FMNL1: variants seen among roughly 807,000 people sequenced by gnomAD.
FMNL1 encodes the protein formin like 1.
FMNL1 carries 43 observed loss-of-function variants against 121.3 expected under a neutral mutation model. The observed-to-expected ratio is 0.35, with a 90% CI of 0.28 to 0.46. FMNL1 has a LOEUF of 0.46. Ranked by LOEUF, FMNL1 falls within the 20% of genes least tolerant of loss-of-function variation. The pLI is 1.00. For missense variants in FMNL1, 1,191 were observed against 1,482.4 expected (o/e 0.80, Z 3.23); for synonymous variants, 613 against 613.5 (o/e 1.00, Z 0.01).
rs2043652041 is a variant in FMNL1, at chr17:45,240,220, T to C, written c.1081-256T>C. ...CTGCTGACGCCTGTGGGGTTTCTTT[T>C]TGGGCTGATGACAATGTTCTGGAAT... On this transcript the variant is annotated intron_variant, in intron 11 of 26. Coordinates refer to ENST00000331495, the MANE Select transcript of FMNL1 (RefSeq NM_005892.4). 1.9e-5 allele frequency: 5 copies of C among 261,554 alleles called. No homozygotes were observed. The South Asian group carries it at 4.4e-4, about 23-fold the overall frequency. 16.2% of individuals were successfully genotyped at this position (261,554 alleles called of 1,614,324 possible).
In FMNL1 at chr17:45,231,361, C is replaced by T. The variant is rs1391174352; in HGVS notation, c.213+674C>T. The T allele has an allele frequency of 6.6e-6, 1 of 152,350 alleles. No homozygotes were observed. The highest frequency in any genetic ancestry group is 1.9e-4 in the East Asian group (1 of 5,180). The allele number at this position is 152,350 out of a possible 1,614,324, so 9.4% of individuals were successfully genotyped here. On this transcript the variant is annotated intron_variant, in intron 2 of 26. Coordinates refer to ENST00000331495, the MANE Select transcript of FMNL1 (RefSeq NM_005892.4). The surrounding 1 kb of genome is among the most constrained non-coding windows in gnomAD (Gnocchi z 4.7). Reference sequence around the variant, plus strand: ...GGGTGGGGAGTTGGGAGCTGAGAGCCTCCCCTGGGAGCCAAGGCTGGGCCT... The same window carrying T: ...GGGTGGGGAGTTGGGAGCTGAGAGCTTCCCCTGGGAGCCAAGGCTGGGCCT...
chr17:45,240,175 G>A (rs1364619437), intron 11 of FMNL1: 2 of 199,290 alleles, frequency 1.0e-5, no homozygotes, highest in Non-Finnish European at 2.0e-5. Context: ...GGGACTGGGG[G>A]AGGAGAGAAT....
At chr17:45,222,775 C>T (rs1333841152) in intron 1 of FMNL1, among the ~76,000 whole-genome samples, 2 of 152,060 alleles carry the variant, frequency 1.3e-5, no homozygotes, top group African/African-American at 4.8e-5. Context: ...GTTTCTACCC[C>T]GCCATATGTC....
In FMNL1 at chr17:45,245,026, C is replaced by T; in HGVS notation, c.2646C>T (p.Tyr882=). 1 of 1,614,138 alleles carries T rather than the reference C, an allele frequency of 6.2e-7. No homozygotes were observed. ...ATCGCAAGCAGACGCTGCTGCACTA[C>T]CTGGTGAAGGTCATTGCTGAGAAGT... ...STDRKQTLLH[Y]LVKVIAEKYP... The change falls in exon 21 of 27, where the codon TAC becomes TAT. Residue 882 remains tyrosine (Y), a synonymous_variant. Transcript: ENST00000331495.
At chr17:45,224,273 C>G (rs1167042776) in intron 1 of FMNL1, among the ~76,000 whole-genome samples, 1 of 152,156 alleles carries the variant, frequency 6.6e-6, no homozygotes, top group African/African-American at 2.4e-5. Context: ...GAGGCTTGCC[C>G]CAGGGTGACA....
Position 45,235,592 on chromosome 17 carries a change from C to T in FMNL1, c.615-544C>T, listed in dbSNP as rs994580613. ...AATGAAAACATCACACATTTGTTGGCGAAGAATAAGGGAGTACAGTCATAT... is the reference window on the plus strand; with the variant it reads ...AATGAAAACATCACACATTTGTTGGTGAAGAATAAGGGAGTACAGTCATAT... On this transcript the variant is annotated intron_variant, in intron 6 of 26. Transcript: ENST00000331495. Among the ~76,000 whole-genome samples, 7 of 152,170 alleles carry T rather than the reference C, an allele frequency of 4.6e-5. No homozygotes were observed. In the South Asian group the frequency reaches 6.2e-4, roughly 14 times the overall value.
At chr17:45,246,424 A>G in intron 25 of FMNL1, 81 bp from the exon 26 acceptor site, 1 of 1,612,816 alleles carries the variant, frequency 6.2e-7, no homozygotes, top group Non-Finnish European at 8.5e-7. Flanking sequence ...ACTGGCTGCC[A>G]CACTGCTTCT....
chr17:45,233,518 G>C lies in FMNL1; in HGVS notation c.402-130G>C. 1 of 1,130,480 alleles carries C rather than the reference G, an allele frequency of 8.8e-7. No homozygotes were observed. 70.0% of individuals were successfully genotyped at this position (1,130,480 alleles called of 1,614,324 possible). A position where few individuals can be genotyped will look rare whatever the true frequency, so the allele number is the denominator to read the frequency against. On this transcript the variant is annotated intron_variant, in intron 4 of 26. Transcript: ENST00000331495. The surrounding 1 kb of genome is among the most constrained non-coding windows in gnomAD (Gnocchi z 4.1). ...CTGTGGGACCCACCTGAGTCTCCCA[G>C]AATCCTTTGGTATCATTGGGTCTTT... is the stretch of plus-strand genomic sequence containing the variant.
intron 1 of FMNL1, among the ~76,000 whole-genome samples, 188 bp from the exon 2 acceptor site, chr17:45,230,416 G>A (rs563087638): frequency 5.7e-4 from 87 of 152,264 alleles, no homozygotes; most frequent in Non-Finnish European, 6.3e-4. Context: ...TGTGCCCCGG[G>A]AAAGGTGCTC....
chr17:45,236,005 T>G, intron 6 of FMNL1, 131 bp from the exon 7 acceptor site: 1 of 703,762 alleles, frequency 1.4e-6, no homozygotes, highest in Admixed American at 2.5e-5. Context: ...CCAGCCTCTT[T>G]GGTTGGGTAG....
At chr17:45,227,353 A>G (rs950735155) in intron 1 of FMNL1, among the ~76,000 whole-genome samples, 22 of 151,802 alleles carry the variant, frequency 1.4e-4, no homozygotes, top group African/African-American at 5.1e-4. Flanking sequence ...AGGTGGGGGA[A>G]GGGCTCTTAG....
intron 10 of FMNL1, 39 bp from the exon 11 acceptor site, chr17:45,238,916 C>T (rs951228302): frequency 3.2e-6 from 5 of 1,567,232 alleles, no homozygotes; most frequent in Admixed American, 1.7e-5. Context: ...GCAACCCCAC[C>T]TAGAGGATCA....
intron 16 of FMNL1, 90 bp downstream of exon 16, chr17:45,242,555 T>C: frequency 6.6e-7 from 1 of 1,513,990 alleles, no homozygotes; most frequent in Admixed American, 2.1e-5. Flanking sequence ...AGTCATTTTC[T>C]CCAAGCCATT....
At chr17:45,238,518 G>C (rs2043600768) in intron 9 of FMNL1, 46 bp from the exon 10 acceptor site, 1 of 1,606,136 alleles carries the variant, frequency 6.2e-7, no homozygotes, top group Non-Finnish European at 8.5e-7. Flanking sequence ...AGGTAGCTTA[G>C]GACGTGTGTC....
In FMNL1 at chr17:45,237,852, C is replaced by T. The variant is rs1019465683; in HGVS notation, c.894+213C>T. On this transcript the variant is annotated intron_variant, in intron 9 of 26. Transcript: ENST00000331495. The surrounding 1 kb of genome is among the most constrained non-coding windows in gnomAD (Gnocchi z 4.4). ...GGTACAGGGTCAGGTAAGGGCACCACCTGGGTGGGGGTAGGGACAACTACA... is the reference window on the plus strand; with the variant it reads ...GGTACAGGGTCAGGTAAGGGCACCATCTGGGTGGGGGTAGGGACAACTACA... 2.0e-5 allele frequency among the ~76,000 whole-genome samples: 3 copies of T among 152,142 alleles called. No individual in the cohort carries two copies. The highest frequency in any genetic ancestry group is 7.2e-5 in the African/African-American group (3 of 41,432).
rs2043792573 is a variant in FMNL1 at position 45,244,863 on chromosome 17, G to A, written c.2562G>A (p.Gly854=). ...ACTACATGAACAGTAGCAAGCGTGG[G>A]GCAGCCTATGGCTTCCGGCTCCAGA... ...FGNYMNSSKR[G]AAYGFRLQSL... The change falls in exon 20 of 27, where the codon GGG becomes GGA. Residue 854 remains glycine, a synonymous_variant. Coordinates refer to ENST00000331495, the MANE Select transcript of FMNL1 (RefSeq NM_005892.4). 6.2e-7 allele frequency: 1 copy of A among 1,613,918 alleles called. No homozygotes were observed. The highest frequency in any genetic ancestry group is 1.1e-5 in the South Asian group (1 of 91,052).
chr17:45,240,016 C>T (rs149058638), intron 11 of FMNL1, among the ~76,000 whole-genome samples: 380 of 152,316 alleles, frequency 2.5e-3, no homozygotes, highest in African/African-American at 8.3e-3. Flanking sequence ...GTCTTGAACT[C>T]CTGACCTTAG....
intron 1 of FMNL1, among the ~76,000 whole-genome samples, chr17:45,228,154 C>T (rs1441234551): frequency 6.6e-6 from 1 of 152,192 alleles, no homozygotes; most frequent in African/African-American, 2.4e-5. Flanking sequence ...TCTGATGGCC[C>T]CTCTCCTACT....
At chr17:45,244,101 A>G in intron 18 of FMNL1, 75 bp from the exon 19 acceptor site, 1 of 1,604,588 alleles carries the variant, frequency 6.2e-7, no homozygotes, top group Non-Finnish European at 8.5e-7. Context: ...GGGCTGCGGC[A>G]GGGAACCTGG....
Sources: gnomAD v4.1 joint callset for allele counts (sites outside exome capture counted in the v4.1 genomes callset) on GRCh38, gnomAD v4.1.1 for gene constraint, Gnocchi (gnomAD v3.1) non-coding constraint, MANE v1.5 for transcripts, NCBI Gene and HGNC (gene_info 2026-07-23, HGNC 2026-07-21) for gene names.